Variants in CEP164 observed in about 807,000 individuals in gnomAD.
The protein encoded by CEP164 is centrosomal protein 164, also known as centrosomal protein of 164 kDa.
Under a neutral mutation model 182.7 loss-of-function variants are expected in CEP164, and 162 were observed. That is an observed-to-expected ratio of 0.89 (90% CI 0.78 to 1.01). The LOEUF is 1.01. Ranked by LOEUF, CEP164 falls within the 50% of genes least tolerant of loss-of-function variation. The probability of loss-of-function intolerance (pLI) is 0.00; values close to 1 mark genes in which losing one functional copy is unlikely to be tolerated. For missense variants in CEP164, 1,735 were observed against 1,790.4 expected, an observed-to-expected ratio of 0.97 and a Z score of 0.56; for synonymous variants, 661 against 690.0, an observed-to-expected ratio of 0.96 and a Z score of 0.66.
rs1292045196 is a variant in CEP164, at chr11:117,363,412, A to G, written c.688-17A>G. ...AGTTTCTTCAGAGTTACCACTTGTC[A>G]TCATTTTTGTTTCTAGAGTGTCCAC... On this transcript the variant is annotated splice_polypyrimidine_tract_variant and intron_variant, in intron 7 of 32. Transcript: ENST00000278935. 1 of 1,601,494 alleles carries G rather than the reference A, an allele frequency of 6.2e-7. No homozygotes were observed. Among genetic ancestry groups the G allele is most frequent in the Non-Finnish European group, 8.6e-7 (1 of 1,168,662 alleles).
At chr11:117,401,000 C>G (rs955220047) in intron 27 of CEP164, among the ~76,000 whole-genome samples, 5 of 152,106 alleles carry the variant, frequency 3.3e-5, no homozygotes, top group African/African-American at 4.8e-5. Flanking sequence ...CCTGATTGCC[C>G]TGGCCAGAAC....
chr11:117,337,146 C>T (rs2037283241), intron 2 of CEP164, among the ~76,000 whole-genome samples: 1 of 152,116 alleles, frequency 6.6e-6, no homozygotes, highest in Admixed American at 6.6e-5. Flanking sequence ...CAACAGAAAT[C>T]TCTTTTCTCA....
rs1475511908 is a variant in CEP164 at position 117,394,511 on chromosome 11, G to T, written c.2760+18G>T. 9.9e-6 allele frequency: 16 copies of T among 1,612,414 alleles called. No homozygotes were observed. The highest frequency in any genetic ancestry group is 1.3e-5 in the African/African-American group (1 of 74,882). ...GGGAGCAGGTGAGGGGCCTGGGGCA[G>T]GGTGAGCCCACTGTGACCCCTCCAT... On this transcript the variant is annotated intron_variant, in intron 21 of 32. Coordinates refer to ENST00000278935, the MANE Select transcript of CEP164 (RefSeq NM_014956.5). This position sits in a 1 kb window ranked among gnomAD's most constrained non-coding sequence, Gnocchi z 4.0.
intron 27 of CEP164, among the ~76,000 whole-genome samples, chr11:117,405,002 G>T (rs1175462981): frequency 6.6e-6 from 1 of 152,132 alleles, no homozygotes; most frequent in African/African-American, 2.4e-5. Context: ...CAGATGCCCC[G>T]CCCCCACCAA....
In CEP164 at chr11:117,396,579, C is replaced by A; in HGVS notation, c.3246C>A (p.Leu1082=). The A allele has an allele frequency of 6.2e-7, 1 of 1,613,848 alleles. No individual in the cohort carries two copies. Among genetic ancestry groups the A allele is most frequent in the Non-Finnish European group, 8.5e-7 (1 of 1,179,702 alleles). Residue 1082 remains leucine, a synonymous_variant, in exon 26 of 33, where the codon CTC becomes CTA. Coordinates refer to ENST00000278935, the MANE Select transcript of CEP164 (RefSeq NM_014956.5). ...AGACCAAAGAGGTGTCTTCTTCTCT[C>A]TCCCAGAGCAAGGAGGACTTATACT... The part of the protein sequence containing the change: ...TNQTKEVSSS[L]SQSKEDLYLD...
At chr11:117,349,606 T>C (rs1049879793) in intron 4 of CEP164, among the ~76,000 whole-genome samples, 1 of 152,094 alleles carries the variant, frequency 6.6e-6, no homozygotes, top group African/African-American at 2.4e-5. Context: ...CTGCCTCAGC[T>C]TCCTAAGTGG....
chr11:117,395,809 A>C (rs754458200), intron 24 of CEP164, 87 bp downstream of exon 24: 167 of 1,461,000 alleles, frequency 1.1e-4, no homozygotes, highest in Non-Finnish European at 1.5e-4. Flanking sequence ...CCCAGTTAAT[A>C]GGGAGAGGTG....
intron 8 of CEP164, among the ~76,000 whole-genome samples, chr11:117,365,308 A>T (rs1282169194): frequency 6.6e-6 from 1 of 152,198 alleles, no homozygotes; most frequent in African/African-American, 2.4e-5. Flanking sequence ...TCAACAATCG[A>T]GAGAGTGAAC....
intron 4 of CEP164, among the ~76,000 whole-genome samples, chr11:117,344,782 G>A (rs940980934): frequency 5.3e-5 from 8 of 152,076 alleles, no homozygotes; most frequent in Non-Finnish European, 1.0e-4. Context: ...CAAAAAATTA[G>A]CTGGGTGTGG....
chr11:117,359,829 A>G (rs2040727439), intron 5 of CEP164, among the ~76,000 whole-genome samples: 1 of 152,206 alleles, frequency 6.6e-6, no homozygotes, highest in Non-Finnish European at 1.5e-5. Context: ...AAAGGCCCCT[A>G]GCACTCATCT....
intron 5 of CEP164, among the ~76,000 whole-genome samples, chr11:117,359,281 C>T (rs550339511): frequency 1.3e-5 from 2 of 152,176 alleles, no homozygotes; most frequent in African/African-American, 2.4e-5. Flanking sequence ...TCCGTTTGCT[C>T]GTATGGGGAC....
intron 5 of CEP164, among the ~76,000 whole-genome samples, chr11:117,352,245 G>A (rs904939202): frequency 6.6e-6 from 1 of 152,088 alleles, no homozygotes; most frequent in Non-Finnish European, 1.5e-5. Context: ...TAGGATTGAT[G>A]AGAGAGAGTG....
chr11:117,364,124 A>C (rs1241964811), intron 8 of CEP164: 3 of 152,198 alleles, frequency 2.0e-5, no homozygotes, highest in Non-Finnish European at 4.4e-5. Flanking sequence ...TTTAGTGTCC[A>C]GTGTATTCAT....
In CEP164 at chr11:117,322,087, A is replaced by G. The variant is rs572581772; in HGVS notation, c.-98+7359A>G. Among the ~76,000 whole-genome samples, 7 of 152,284 alleles carry G rather than the reference A, an allele frequency of 4.6e-5. No individual in the cohort carries two copies. In the East Asian group the frequency reaches 1.3e-3, roughly 29 times the overall value. ...CATATATATGTTGCATAATGATCAC[A>G]TCAGGATATTTAGCATGACCACCAC... On this transcript the variant is annotated intron_variant, in intron 1 of 4. Coordinates refer to the CEP164 transcript ENST00000525734.
chr11:117,406,858 G>A (rs2046745310), intron 27 of CEP164, among the ~76,000 whole-genome samples: 1 of 152,154 alleles, frequency 6.6e-6, no homozygotes, highest in South Asian at 2.1e-4. Flanking sequence ...CACTTTGGGA[G>A]GCCGGGGCGG....
At chr11:117,330,450 C>G (rs189065590) in intron 1 of CEP164, among the ~76,000 whole-genome samples, 1 of 152,162 alleles carries the variant, frequency 6.6e-6, no homozygotes, top group African/African-American at 2.4e-5. Flanking sequence ...GTCAGGAGTT[C>G]GAGACTTGGC....
chr11:117,392,452 T>C, intron 18 of CEP164, 44 bp from the exon 19 acceptor site: 2 of 1,596,886 alleles, frequency 1.3e-6, no homozygotes, highest in Non-Finnish European at 1.7e-6. Flanking sequence ...CTGTACAGTC[T>C]GTCTGAGGGT....
upstream of CEP164, among the ~76,000 whole-genome samples, chr11:117,325,933 G>A (rs1430028752): frequency 2.2e-5 from 3 of 135,806 alleles, no homozygotes; most frequent in African/African-American, 5.6e-5. Context: ...TTTTTGAGAC[G>A]GAGTGTCGCT....
chr11:117,365,040 A>G (rs1470228697), intron 8 of CEP164, among the ~76,000 whole-genome samples: 1 of 152,192 alleles, frequency 6.6e-6, no homozygotes, highest in East Asian at 1.9e-4. Flanking sequence ...AGTTCCCTGA[A>G]ATGACAACTT....
Sources: allele counts gnomAD v4.1 joint callset (sites outside exome capture counted in the v4.1 genomes callset), GRCh38; gene constraint gnomAD v4.1.1; non-coding constraint Gnocchi (gnomAD v3.1); transcripts MANE v1.5; gene names NCBI Gene and HGNC (gene_info 2026-07-23, HGNC 2026-07-21).